Variants in TEX44 observed in about 807,000 individuals in gnomAD.
The protein encoded by TEX44 is testis-expressed protein 44.
For missense variants in TEX44, 487 were observed against 509.6 expected (o/e 0.96, Z 0.43); for synonymous variants, 196 against 205.9 (o/e 0.95, Z 0.41).
rs777837940 is a variant in TEX44 at position 231,593,701 on chromosome 2, C to T, written c.750C>T (p.His250=). The T allele has an allele frequency of 1.1e-5, 17 of 1,611,738 alleles. No individual in the cohort carries two copies. The highest frequency in any genetic ancestry group is 3.3e-5 in the Admixed American group (2 of 60,036). Reference sequence around the variant, plus strand: ...GTGTGTCCCCGTCGCCTGGCCCCCACGAGGTGGCCCTGGGGAGAAGGCCCC... The same window carrying T: ...GTGTGTCCCCGTCGCCTGGCCCCCATGAGGTGGCCCTGGGGAGAAGGCCCC... ...AGSVSPSPGP[H]EVALGRRPLD... Residue 250 remains histidine, a synonymous_variant, in exon 1 of 1, where the codon CAC becomes CAT. Transcript: ENST00000313965.
In TEX44 at chr2:231,593,136, T is replaced by C. The variant is rs914637417; in HGVS notation, c.185T>C (p.Ile62Thr). 1 of 1,613,946 alleles carries C rather than the reference T, an allele frequency of 6.2e-7. No homozygotes were observed. The highest frequency in any genetic ancestry group is 8.5e-7 in the Non-Finnish European group (1 of 1,180,022). The change falls in exon 1 of 1, where the codon ATA (isoleucine) becomes ACA (threonine). Residue 62 changes from isoleucine (I) to threonine (T), a missense_variant. Ile to Thr is a moderately conservative substitution (Grantham distance 89, BLOSUM62 -1). Transcript: ENST00000313965. ...ASFKTATPRA[I>T]STSGDKDKSA... The stretch of plus-strand genomic sequence containing the variant: ...TTCAAGACGGCCACCCCCAGGGCCA[T>C]ATCAACATCTGGAGACAAAGACAAG...
Position 231,593,858 on chromosome 2 carries a change from A to G in TEX44, c.907A>G (p.Met303Val). 1.2e-6 allele frequency: 2 copies of G among 1,610,640 alleles called. No individual in the cohort carries two copies. Among genetic ancestry groups the G allele is most frequent in the South Asian group, 1.1e-5 (1 of 91,090 alleles). ...ILVWSETTMGMAIATGFLDSG... is the reference protein window; with the variant it reads ...ILVWSETTMGVAIATGFLDSG... ...GGTGTGGTCCGAGACCACCATGGGC[A>G]TGGCCATAGCCACAGGCTTCCTGGA... is the stretch of plus-strand genomic sequence containing the variant. Residue 303 changes from methionine to valine, a missense_variant, in exon 1 of 1, where the codon ATG becomes GTG. By Grantham distance (21) the Met-to-Val change is conservative. Transcript: ENST00000313965.
rs1341956635 is a variant in TEX44, at chr2:231,593,827, C to T, written c.876C>T (p.Asp292=). The change falls in exon 1 of 1, where the codon GAC becomes GAT. Residue 292 remains aspartate (D), a synonymous_variant. Transcript: ENST00000313965. ...AGGGCTCCATCAGCTCCCTGGCAGA[C>T]ATCCTGGTGTGGTCCGAGACCACCA... The part of the protein sequence containing the change: ...RGEGSISSLA[D]ILVWSETTMG... The T allele has an allele frequency of 1.9e-6, 3 of 1,611,646 alleles. No individual in the cohort carries two copies. Among genetic ancestry groups the T allele is most frequent in the Non-Finnish European group, 2.5e-6 (3 of 1,180,012 alleles).
rs2047780837 is a variant in TEX44 at position 231,593,881 on chromosome 2, G to A, written c.930G>A (p.Leu310=). 2 of 1,610,054 alleles carry A rather than the reference G, an allele frequency of 1.2e-6. No homozygotes were observed. The highest frequency in any genetic ancestry group is 1.7e-5 in the Admixed American group (1 of 60,012). The change falls in exon 1 of 1, where the codon CTG becomes CTA. Residue 310 remains leucine (L), a synonymous_variant. Coordinates refer to ENST00000313965, the MANE Select transcript of TEX44 (RefSeq NM_152614.3). ...TMGMAIATGF[L]DSGHSTVADL... ...GCATGGCCATAGCCACAGGCTTCCT[G>A]GATTCCGGCCACAGCACTGTGGCAG...
rs1380416171 is a variant in TEX44, at chr2:231,593,109, C to G, written c.158C>G (p.Ser53Cys). 5.6e-6 allele frequency: 9 copies of G among 1,614,130 alleles called. No homozygotes were observed. The highest frequency in any genetic ancestry group is 6.8e-6 in the Non-Finnish European group (8 of 1,180,024). Residue 53 changes from serine to cysteine, a missense_variant, in exon 1 of 1, where the codon TCC becomes TGC. Physicochemically the swap from Ser to Cys is moderately radical, Grantham distance 112 (BLOSUM62 -1). Transcript: ENST00000313965. ...GACTGGCAGGATATAGATCAGGCCT[C>G]CTTCAAGACGGCCACCCCCAGGGCC... ...STDWQDIDQASFKTATPRAIS... is the reference protein window; with the variant it reads ...STDWQDIDQACFKTATPRAIS...
At position 231,593,631 on chromosome 2, in the gene TEX44, T is replaced by C. The variant is rs571772448; in HGVS notation, c.680T>C (p.Leu227Ser). The change falls in exon 1 of 1, where the codon TTA (leucine) becomes TCA (serine). Residue 227 changes from leucine to serine, a missense_variant. By Grantham distance (145) the Leu-to-Ser change is moderately radical. Transcript: ENST00000313965. ...VAMGANVVDS[L>S]GDLQTWFFPP... The stretch of plus-strand genomic sequence containing the variant: ...ATGGGGGCAAATGTGGTGGACAGCT[T>C]AGGAGACCTGCAGACTTGGTTCTTC... 6.2e-7 allele frequency: 1 copy of C among 1,613,822 alleles called. No homozygotes were observed. Among genetic ancestry groups the C allele is most frequent in the South Asian group, 1.1e-5 (1 of 91,092 alleles).
At position 231,593,171 on chromosome 2, in the gene TEX44, G is replaced by C; in HGVS notation, c.220G>C (p.Val74Leu). ...TGGAGACAAAGACAAGAGTGCAGTT[G>C]TTCCAGAACACGGCCAGAAGACACC... ...TSGDKDKSAV[V>L]PEHGQKTPRK... Residue 74 changes from valine to leucine, a missense_variant, in exon 1 of 1, where the codon GTT becomes CTT. By Grantham distance (32) the Val-to-Leu change is conservative. Transcript: ENST00000313965. 1 of 1,614,150 alleles carries C rather than the reference G, an allele frequency of 6.2e-7. No homozygotes were observed. Among genetic ancestry groups the C allele is most frequent in the Middle Eastern group, 1.6e-4 (1 of 6,062 alleles).
In TEX44 at chr2:231,593,224, C is replaced by G. The variant is rs1180555006; in HGVS notation, c.273C>G (p.Ser91Arg). The change falls in exon 1 of 1, where the codon AGC (serine) becomes AGG (arginine). Residue 91 changes from serine to arginine, a missense_variant. Physicochemically the swap from Ser to Arg is moderately radical, Grantham distance 110. Coordinates refer to ENST00000313965, the MANE Select transcript of TEX44 (RefSeq NM_152614.3). ...TPRKITPLLP[S>R]QNPSPLQVSM... ...GAAAAATCACACCTCTGCTTCCCAG[C>G]CAAAATCCAAGTCCCCTGCAAGTGT... 1.2e-6 allele frequency: 2 copies of G among 1,614,022 alleles called. No homozygotes were observed. The highest frequency in any genetic ancestry group is 8.5e-7 in the Non-Finnish European group (1 of 1,180,026).
Position 231,593,165 on chromosome 2 carries a change from G to A in TEX44, c.214G>A (p.Ala72Thr), listed in dbSNP as rs1451736335. Reference protein sequence around the residue: ...ISTSGDKDKSAVVPEHGQKTP... With the variant: ...ISTSGDKDKSTVVPEHGQKTP... ...AACATCTGGAGACAAAGACAAGAGT[G>A]CAGTTGTTCCAGAACACGGCCAGAA... is the stretch of plus-strand genomic sequence containing the variant. The change falls in exon 1 of 1, where the codon GCA becomes ACA. Residue 72 changes from alanine to threonine, a missense_variant. Physicochemically the swap from Ala to Thr is moderately conservative, Grantham distance 58. Transcript: ENST00000313965. The A allele has an allele frequency of 1.9e-6, 3 of 1,614,178 alleles. No homozygotes were observed. Among genetic ancestry groups the A allele is most frequent in the Non-Finnish European group, 2.5e-6 (3 of 1,180,032 alleles).
In TEX44 at chr2:231,593,168, G is replaced by C. The variant is rs1160594644; in HGVS notation, c.217G>C (p.Val73Leu). The C allele has an allele frequency of 1.9e-6, 3 of 1,614,168 alleles. No individual in the cohort carries two copies. The Admixed American group carries it at 5.0e-5, about 27-fold the overall frequency. The change falls in exon 1 of 1, where the codon GTT (valine) becomes CTT (leucine). Residue 73 changes from valine (V) to leucine (L), a missense_variant. By Grantham distance (32) the Val-to-Leu change is conservative. Coordinates refer to ENST00000313965, the MANE Select transcript of TEX44 (RefSeq NM_152614.3). ...ATCTGGAGACAAAGACAAGAGTGCA[G>C]TTGTTCCAGAACACGGCCAGAAGAC... is the stretch of plus-strand genomic sequence containing the variant. Reference protein sequence around the residue: ...STSGDKDKSAVVPEHGQKTPR... With the variant: ...STSGDKDKSALVPEHGQKTPR...
chr2:231,593,696 C>A lies in TEX44; in HGVS notation c.745C>A (p.Pro249Thr), dbSNP rs1216344752. Residue 249 changes from proline (P) to threonine (T), a missense_variant, in exon 1 of 1, where the codon CCC becomes ACC. Coordinates refer to ENST00000313965, the MANE Select transcript of TEX44 (RefSeq NM_152614.3). ...AGGCAGTGTGTCCCCGTCGCCTGGC[C>A]CCCACGAGGTGGCCCTGGGGAGAAG... ...PAGSVSPSPG[P>T]HEVALGRRPL... 6.2e-7 allele frequency: 1 copy of A among 1,612,058 alleles called. No homozygotes were observed. Among genetic ancestry groups the A allele is most frequent in the Non-Finnish European group, 8.5e-7 (1 of 1,180,030 alleles).
At position 231,593,888 on chromosome 2, in the gene TEX44, G is replaced by C. The variant is rs751621357; in HGVS notation, c.937G>C (p.Gly313Arg). The C allele has an allele frequency of 6.2e-7, 1 of 1,609,956 alleles. No homozygotes were observed. Among genetic ancestry groups the C allele is most frequent in the East Asian group, 2.2e-5 (1 of 44,872 alleles). Residue 313 changes from glycine (G) to arginine (R), a missense_variant, in exon 1 of 1, where the codon GGC (glycine) becomes CGC (arginine). Physicochemically the swap from Gly to Arg is moderately radical, Grantham distance 125. Coordinates refer to ENST00000313965, the MANE Select transcript of TEX44 (RefSeq NM_152614.3). ...CATAGCCACAGGCTTCCTGGATTCCGGCCACAGCACTGTGGCAGACCTGCT... is the reference window on the plus strand; with the variant it reads ...CATAGCCACAGGCTTCCTGGATTCCCGCCACAGCACTGTGGCAGACCTGCT... ...MAIATGFLDS[G>R]HSTVADLLHS... is the part of the protein sequence containing the mutation.
Position 231,593,733 on chromosome 2 carries a change from C to T in TEX44, c.782C>T (p.Ser261Phe). The T allele has an allele frequency of 1.2e-6, 2 of 1,611,136 alleles. No homozygotes were observed. The highest frequency in any genetic ancestry group is 1.6e-4 in the Middle Eastern group (1 of 6,062). ...GCCCTGGGGAGAAGGCCCCTGGACT[C>T]CAGCCTGTACACGGCCAGTGAGGAG... The part of the protein sequence containing the change: ...EVALGRRPLD[S>F]SLYTASEENS... The change falls in exon 1 of 1, where the codon TCC (serine) becomes TTC (phenylalanine). Residue 261 changes from serine to phenylalanine, a missense_variant. By Grantham distance (155) the Ser-to-Phe change is radical. Transcript: ENST00000313965.
At position 231,593,776 on chromosome 2, in the gene TEX44, C is replaced by T. The variant is rs201088776; in HGVS notation, c.825C>T (p.Ser275=). ...TASEENSYMR[S]MTSLLDRGEG... is the part of the protein sequence containing the mutation. ...GTGAGGAGAACAGCTACATGCGCTC[C>T]ATGACCAGCCTGCTGGACAGGGGCG... Residue 275 remains serine, a synonymous_variant, in exon 1 of 1, where the codon TCC becomes TCT. Coordinates refer to ENST00000313965, the MANE Select transcript of TEX44 (RefSeq NM_152614.3). 1.2e-6 allele frequency: 2 copies of T among 1,611,670 alleles called. No individual in the cohort carries two copies. The highest frequency in any genetic ancestry group is 4.5e-5 in the East Asian group (2 of 44,498).
Position 231,592,867 on chromosome 2 carries a change from C to A in TEX44, c.-85C>A. The A allele has an allele frequency of 1.8e-6, 2 of 1,127,066 alleles. No homozygotes were observed. The highest frequency in any genetic ancestry group is 1.3e-6 in the Non-Finnish European group (1 of 762,762). 69.8% of individuals were successfully genotyped at this position (1,127,066 alleles called of 1,614,324 possible). On this transcript the variant is annotated 5_prime_UTR_variant, in exon 1 of 1. Transcript: ENST00000313965. Reference sequence around the variant, plus strand: ...TCAGCCCAGCTGGGTTGCAGCCACTCCCTCCAACCGCCACAAGCAGCAAAG... The same window carrying A: ...TCAGCCCAGCTGGGTTGCAGCCACTACCTCCAACCGCCACAAGCAGCAAAG...
chr2:231,594,046 GC>G, the TEX44 span: 1 of 1,612,824 alleles, frequency 6.2e-7, no homozygotes, highest in Non-Finnish European at 8.5e-7. Flanking sequence ...AGACAGTGGA[GC>G]AGAGGACCGT....
In TEX44 at chr2:231,593,792, G is replaced by A. The variant is rs1163975992; in HGVS notation, c.841G>A (p.Asp281Asn). ...SYMRSMTSLL[D>N]RGEGSISSLA... ...CATGCGCTCCATGACCAGCCTGCTGGACAGGGGCGAGGGCTCCATCAGCTC... is the reference window on the plus strand; with the variant it reads ...CATGCGCTCCATGACCAGCCTGCTGAACAGGGGCGAGGGCTCCATCAGCTC... The change falls in exon 1 of 1, where the codon GAC becomes AAC. Residue 281 changes from aspartate (D) to asparagine (N), a missense_variant. Coordinates refer to ENST00000313965, the MANE Select transcript of TEX44 (RefSeq NM_152614.3). 3.1e-6 allele frequency: 5 copies of A among 1,612,056 alleles called. No homozygotes were observed. Among genetic ancestry groups the A allele is most frequent in the Non-Finnish European group, 4.2e-6 (5 of 1,180,016 alleles).
Position 231,592,960 on chromosome 2 carries a change from C to A in TEX44, c.9C>A (p.Leu3=), listed in dbSNP as rs767766065. The change falls in exon 1 of 1, where the codon CTC becomes CTA. Residue 3 remains leucine (L), a synonymous_variant. Transcript: ENST00000313965. ...CACCAGCAGCCCCATACATGGCACT[C>A]CCAGGGTACCCCCTGGGCAACGTGG... The part of the protein sequence containing the change: MA[L]PGYPLGNVDD... The A allele has an allele frequency of 7.4e-6, 12 of 1,613,568 alleles. No individual in the cohort carries two copies. The highest frequency in any genetic ancestry group is 1.0e-5 in the Non-Finnish European group (12 of 1,179,836).
rs376356239 is a variant in TEX44 at position 231,593,395 on chromosome 2, C to T, written c.444C>T (p.Ala148=). ...ASVPEREPES[A]PSAPSAELQS... ...TTCCTGAGAGAGAGCCGGAGTCAGC[C>T]CCCTCTGCCCCGAGTGCTGAGCTAC... Residue 148 remains alanine (A), a synonymous_variant, in exon 1 of 1, where the codon GCC becomes GCT. Coordinates refer to ENST00000313965, the MANE Select transcript of TEX44 (RefSeq NM_152614.3). The T allele has an allele frequency of 6.2e-7, 1 of 1,614,112 alleles. No individual in the cohort carries two copies. The highest frequency in any genetic ancestry group is 8.5e-7 in the Non-Finnish European group (1 of 1,180,058).
Sources: allele counts gnomAD v4.1 joint callset, GRCh38; gene constraint gnomAD v4.1.1; transcripts MANE v1.5; gene names NCBI Gene and HGNC (gene_info 2026-07-23, HGNC 2026-07-21).